Variants in UGT1A8 observed in about 807,000 individuals in gnomAD.
The protein encoded by UGT1A8 is UDP glucuronosyltransferase family 1 member A8.
In UGT1A8, 39 loss-of-function variants were observed where a neutral mutation model predicts 45.3. The observed-to-expected ratio is 0.86, with a 90% CI of 0.67 to 1.12. The LOEUF is 1.12. UGT1A8 is among the 50% of genes most tolerant of loss of function. The pLI, the probability that UGT1A8 is intolerant of heterozygous loss-of-function variation, is 0.00. For synonymous variants in UGT1A8, 275 were observed against 249.2 expected, an observed-to-expected ratio of 1.10 and a Z score of -0.97; for missense variants, 719 against 664.9, an observed-to-expected ratio of 1.08 and a Z score of -0.90.
chr2:233,685,099 A>G (rs886216892), intron 1 of UGT1A8, among the ~76,000 whole-genome samples: 4 of 152,174 alleles, frequency 2.6e-5, no homozygotes, highest in South Asian at 2.1e-4. Flanking sequence ...CCTATAACAA[A>G]ATCTTATTGA....
chr2:233,639,848 A>ATGTG (rs1218692156), intron 1 of UGT1A8, among the ~76,000 whole-genome samples: 1 of 152,194 alleles, frequency 6.6e-6, no homozygotes, highest in African/African-American at 2.4e-5. Context: ...CAGTATTCTA[A>ATGTG]TGTGTGTGTG....
rs2075120716 is a variant in UGT1A8 at position 233,692,935 on chromosome 2, A to G, written c.856-74099A>G. 4 of 1,587,686 alleles carry G rather than the reference A, an allele frequency of 2.5e-6. No homozygotes were observed. The South Asian group carries it at 4.8e-5, about 19-fold the overall frequency. On this transcript the variant is annotated intron_variant, in intron 1 of 4. Transcript: ENST00000373450. ...AAAAGCAGTGGTTAGTTTAGGGAAA[A>G]TACCTAGGAGCCCTGTGATTTGGAG...
chr2:233,682,847 G>T, intron 1 of UGT1A8: 9 of 1,540,244 alleles, frequency 5.8e-6, no homozygotes, highest in Non-Finnish European at 7.8e-6. Flanking sequence ...GAAATTAAAA[G>T]ATTTCTTACA....
chr2:233,707,867 C>T (rs1275406716), intron 1 of UGT1A8, among the ~76,000 whole-genome samples: 2 of 152,118 alleles, frequency 1.3e-5, no homozygotes, highest in African/African-American at 4.8e-5. Flanking sequence ...TTGTACATAT[C>T]CCTGATTGCT....
intron 1 of UGT1A8, among the ~76,000 whole-genome samples, chr2:233,639,404 A>G (rs955005026): frequency 1.3e-5 from 2 of 152,200 alleles, no homozygotes; most frequent in African/African-American, 4.8e-5. Context: ...CCCAACCACA[A>G]AAGTAAAAGT....
chr2:233,654,920 C>T (rs1008413938), intron 1 of UGT1A8, among the ~76,000 whole-genome samples: 43 of 152,162 alleles, frequency 2.8e-4, no homozygotes, highest in African/African-American at 9.6e-4. Flanking sequence ...GGCAAAACCC[C>T]GTCTCTACTA....
At chr2:233,726,615 C>T (rs1260171777) in intron 1 of UGT1A8, among the ~76,000 whole-genome samples, 2 of 152,156 alleles carry the variant, frequency 1.3e-5, no homozygotes, top group Non-Finnish European at 2.9e-5. Flanking sequence ...CTGTCCTGCC[C>T]AGATACCCAG....
chr2:233,762,113 A>C (rs1697972454), intron 1 of UGT1A8, among the ~76,000 whole-genome samples: 1 of 152,166 alleles, frequency 6.6e-6, no homozygotes, highest in Non-Finnish European at 1.5e-5. Flanking sequence ...TCCGCTTCAC[A>C]TCATGAGCCA....
intron 1 of UGT1A8, among the ~76,000 whole-genome samples, chr2:233,763,098 A>G (rs1698235634): frequency 6.6e-6 from 1 of 152,204 alleles, no homozygotes; most frequent in South Asian, 2.1e-4. Context: ...TAGGAGAGGC[A>G]CCGAACTTTA....
At position 233,648,326 on chromosome 2, in the gene UGT1A8, C is replaced by T. The variant is rs1001419829; in HGVS notation, c.855+29764C>T. ...GTTGCCAAATATTTCTCCCTCCTCT[C>T]GGTGGTCTTCGCCAGAGGAATACTT... On this transcript the variant is annotated intron_variant, in intron 1 of 4. Transcript: ENST00000373450. The T allele has an allele frequency of 3.6e-5, 18 of 499,552 alleles. 1 individual carries two copies. The highest frequency in any genetic ancestry group is 7.9e-5 in the South Asian group (4 of 50,942). The allele number at this position is 499,552 out of a possible 1,614,324, so 30.9% of individuals were successfully genotyped here. A position where few individuals can be genotyped will look rare whatever the true frequency, so the allele number is the denominator to read the frequency against.
At chr2:233,765,745 A>T in intron 1 of UGT1A8, among the ~76,000 whole-genome samples, 1 of 151,724 alleles carries the variant, frequency 6.6e-6, no homozygotes, top group East Asian at 1.9e-4. Flanking sequence ...AAACCCATAA[A>T]GCCATTTGAG....
chr2:233,753,915 A>G (rs890179802), intron 1 of UGT1A8, among the ~76,000 whole-genome samples: 2 of 152,336 alleles, frequency 1.3e-5, no homozygotes, highest in African/African-American at 4.8e-5. Context: ...CACCGATTTC[A>G]GCTCAGTGAT....
chr2:233,685,333 T>C (rs1452516626), intron 1 of UGT1A8, among the ~76,000 whole-genome samples: 1 of 152,160 alleles, frequency 6.6e-6, no homozygotes, highest in Non-Finnish European at 1.5e-5. Context: ...ACACCCGGAC[T>C]TAAAGTGGTT....
rs28898572 is a variant in UGT1A8, at chr2:233,685,578, C to A, written c.855+67016C>A. ...AAATTCAAATTTACCTGTTACTGGG[C>A]AAGCCCAAGGCCTCCCTCCAAGATT... On this transcript the variant is annotated intron_variant, in intron 1 of 4. Transcript: ENST00000373450. Among the ~76,000 whole-genome samples, 571 of 152,320 alleles carry A rather than the reference C, an allele frequency of 3.7e-3. 7 individuals are homozygous for A. Among genetic ancestry groups the A allele is most frequent in the African/African-American group, 0.013 (547 of 41,570 alleles).
chr2:233,621,803 C>T (rs1250016518), intron 1 of UGT1A8, among the ~76,000 whole-genome samples: 1 of 152,048 alleles, frequency 6.6e-6, no homozygotes, highest in Non-Finnish European at 1.5e-5. Context: ...CATAGGTACA[C>T]ATGTGTCATG....
chr2:233,714,710 CT>C (rs1032824553), intron 1 of UGT1A8, among the ~76,000 whole-genome samples: 9 of 152,108 alleles, frequency 5.9e-5, no homozygotes, highest in African/African-American at 1.4e-4. Context: ...TTTAACGTAG[CT>C]TTTTTTGTTG....
chr2:233,692,980 C>T (rs777378989), intron 1 of UGT1A8: 11 of 1,612,916 alleles, frequency 6.8e-6, no homozygotes, highest in Middle Eastern at 1.7e-4. Flanking sequence ...TCTTTATTAC[C>T]GTTGTTACTT....
At chr2:233,675,467 A>G (rs1382105098) in intron 1 of UGT1A8, among the ~76,000 whole-genome samples, 2 of 152,336 alleles carry the variant, frequency 1.3e-5, no homozygotes, top group African/African-American at 4.8e-5. Flanking sequence ...TATACCATCC[A>G]TGGCAGGTGC....
At chr2:233,732,813 A>G (rs1272687468) in intron 1 of UGT1A8, among the ~76,000 whole-genome samples, 1 of 131,564 alleles carries the variant, frequency 7.6e-6, no homozygotes, top group Non-Finnish European at 1.6e-5. Flanking sequence ...TTTTGATTCC[A>G]TATGAACTTT....
Sources: gnomAD v4.1 joint callset for allele counts (sites outside exome capture counted in the v4.1 genomes callset) on GRCh38, gnomAD v4.1.1 for gene constraint, MANE v1.5 for transcripts, NCBI Gene and HGNC (gene_info 2026-07-23, HGNC 2026-07-21) for gene names.